MAP4K3: variants seen among roughly 807,000 people sequenced by gnomAD.
MAP4K3 encodes MAPK/ERK kinase kinase kinase 3.
MAP4K3 carries 94 observed loss-of-function variants against 143.5 expected under a neutral mutation model. That is an observed-to-expected ratio of 0.65 (90% CI 0.55 to 0.78). The LOEUF is 0.78. MAP4K3 is among the 30% of genes least tolerant of loss of function. MAP4K3 has a pLI of 0.00. For synonymous variants in MAP4K3, 416 were observed against 347.2 expected (o/e 1.20, Z -2.20); for missense variants, 1,077 against 1,068.1 (o/e 1.01, Z -0.12).
chr2:39,256,426 C>A (rs1395398001), intron 31 of MAP4K3, among the ~76,000 whole-genome samples: 1 of 151,934 alleles, frequency 6.6e-6, no homozygotes, highest in African/African-American at 2.4e-5. Context: ...CCTTTCTATT[C>A]CCAATTTGCT....
chr2:39,292,698 T>A, intron 18 of MAP4K3, 75 bp downstream of exon 18: 1 of 1,185,696 alleles, frequency 8.4e-7, no homozygotes, highest in Non-Finnish European at 1.3e-6. Context: ...TTTCCATCAA[T>A]ATTAAGCTGC....
At chr2:39,267,312 GTTA>G in intron 26 of MAP4K3, 65 bp from the exon 27 acceptor site, 13 of 1,231,580 alleles carry the variant, frequency 1.1e-5, no homozygotes, top group Non-Finnish European at 1.6e-5. Context: ...AAAAGCTACT[GTTA>G]TAGATCAGTG....
intron 15 of MAP4K3, among the ~76,000 whole-genome samples, chr2:39,300,730 G>T (rs1028451909): frequency 6.6e-6 from 1 of 152,214 alleles, no homozygotes; most frequent in African/African-American, 2.4e-5. Context: ...CCACCTTGGA[G>T]CAGCCGCCTT....
chr2:39,285,719 C>T lies in MAP4K3; in HGVS notation c.1587+1133G>A, dbSNP rs542236312. Among the ~76,000 whole-genome samples the T allele has an allele frequency of 3.3e-5, 5 of 152,072 alleles. No homozygotes were observed. The South Asian group carries it at 8.3e-4, about 25-fold the overall frequency. On this transcript the variant is annotated intron_variant, in intron 21 of 33. Transcript: ENST00000263881. ...TACTGAATGTACTAGACAAACATACCGAATATACTAGAAATTTCTATAAAA... is the reference window on the plus strand; with the variant it reads ...TACTGAATGTACTAGACAAACATACTGAATATACTAGAAATTTCTATAAAA...
At chr2:39,375,809 T>C (rs11898704) in intron 2 of MAP4K3, among the ~76,000 whole-genome samples, 10,085 of 152,250 alleles carry the variant, frequency 0.066, 419 homozygotes, top group Middle Eastern at 0.12. Flanking sequence ...AGATTTGCCT[T>C]TTCTGAACCT....
rs1259555876 is a variant in MAP4K3 at position 39,309,584 on chromosome 2, G to C, written c.998-65C>G. The C allele has an allele frequency of 1.0e-5, 8 of 765,646 alleles. No homozygotes were observed. In the East Asian group the frequency reaches 2.1e-4, roughly 21 times the overall value. 47.4% of individuals were successfully genotyped at this position (765,646 alleles called of 1,614,324 possible). On this transcript the variant is annotated intron_variant, in intron 13 of 33. Coordinates refer to ENST00000263881, the MANE Select transcript of MAP4K3 (RefSeq NM_003618.4). ...TTTTTTTTTTTTTTTTTGAGGCAGA[G>C]TCTTGCTCTGTCTCCCACGCTGGAG...
At chr2:39,282,914 C>T (rs527835022) in intron 21 of MAP4K3, among the ~76,000 whole-genome samples, 1 of 152,324 alleles carries the variant, frequency 6.6e-6, no homozygotes, top group South Asian at 2.1e-4. Flanking sequence ...ACACTATCTG[C>T]AGGATCTTTG....
chr2:39,356,180 C>T (rs770637138), intron 3 of MAP4K3, 69 bp downstream of exon 3: 2 of 901,432 alleles, frequency 2.2e-6, no homozygotes, highest in East Asian at 2.6e-5. Context: ...TTAAAACTAA[C>T]TTTATTTTGT....
rs531025223 is a variant in MAP4K3, at chr2:39,303,508, C to A, written c.1120-3707G>T. On this transcript the variant is annotated intron_variant, in intron 15 of 33. Coordinates refer to ENST00000263881, the MANE Select transcript of MAP4K3 (RefSeq NM_003618.4). ...ATGATTATGTTACTATTTATTTATGCCCCTACATAGTCATTAACATAGTGT... is the reference window on the plus strand; with the variant it reads ...ATGATTATGTTACTATTTATTTATGACCCTACATAGTCATTAACATAGTGT... Among the ~76,000 whole-genome samples the A allele has an allele frequency of 2.0e-5, 3 of 151,904 alleles. No homozygotes were observed. The East Asian group carries it at 5.8e-4, about 29-fold the overall frequency.
intron 14 of MAP4K3, among the ~76,000 whole-genome samples, chr2:39,308,506 A>G (rs1272627240): frequency 7.2e-5 from 11 of 152,192 alleles, no homozygotes; most frequent in Admixed American, 7.2e-4. Flanking sequence ...ACTGAAGAAG[A>G]AAGCTCCTAC....
At chr2:39,420,776 T>C (rs536482374) in intron 1 of MAP4K3, among the ~76,000 whole-genome samples, 39 of 152,272 alleles carry the variant, frequency 2.6e-4, no homozygotes, top group Admixed American at 2.3e-3. Context: ...CTTTGAAAAC[T>C]CAAGCAAAAG....
chr2:39,255,322 G>A (rs1680301615), intron 31 of MAP4K3, among the ~76,000 whole-genome samples: 1 of 152,016 alleles, frequency 6.6e-6, no homozygotes, highest in South Asian at 2.1e-4. Context: ...TGAAGCACAG[G>A]GCATAAACAG....
chr2:39,314,670 T>C (rs1683054802), intron 13 of MAP4K3, among the ~76,000 whole-genome samples: 1 of 152,196 alleles, frequency 6.6e-6, no homozygotes. Flanking sequence ...GGATTCTTGT[T>C]GGCAGTTTAT....
chr2:39,325,834 C>A, intron 10 of MAP4K3, 23 bp from the exon 11 acceptor site: 1 of 1,574,324 alleles, frequency 6.4e-7, no homozygotes, highest in Non-Finnish European at 8.7e-7. Flanking sequence ...GAAAATTAGA[C>A]TTTTACATTC....
intron 16 of MAP4K3, among the ~76,000 whole-genome samples, chr2:39,295,331 AAAT>A (rs1052510913): frequency 1.1e-4 from 17 of 151,854 alleles, no homozygotes; most frequent in Non-Finnish European, 8.8e-5. Context: ...TATTTATAAC[AAAT>A]AATATTATTT....
chr2:39,334,000 T>C (rs560942266), intron 6 of MAP4K3, among the ~76,000 whole-genome samples: 72 of 148,034 alleles, frequency 4.9e-4, no homozygotes, highest in African/African-American at 1.8e-3. Context: ...TGTGTGTGTG[T>C]TTTTAAAAGA....
At chr2:39,431,895 C>G (rs184101240) in intron 1 of MAP4K3, among the ~76,000 whole-genome samples, 1 of 152,128 alleles carries the variant, frequency 6.6e-6, no homozygotes, top group Non-Finnish European at 1.5e-5. Flanking sequence ...GGTGGTGAAA[C>G]TAGGCAGCCT....
intron 33 of MAP4K3, 93 bp downstream of exon 33, chr2:39,251,737 G>A: frequency 2.0e-6 from 2 of 1,023,946 alleles, no homozygotes; most frequent in Non-Finnish European, 3.0e-6. Context: ...ACATATTGCA[G>A]ACATTTCAAT....
intron 26 of MAP4K3, among the ~76,000 whole-genome samples, chr2:39,268,564 G>T (rs998731346): frequency 6.7e-6 from 1 of 150,032 alleles, no homozygotes; most frequent in African/African-American, 2.4e-5. Context: ...CAGGTGATCC[G>T]TCCGCCTCGG....
Sources: gnomAD v4.1 joint callset for allele counts (sites outside exome capture counted in the v4.1 genomes callset) on GRCh38, gnomAD v4.1.1 for gene constraint, MANE v1.5 for transcripts, NCBI Gene and HGNC (gene_info 2026-07-23, HGNC 2026-07-21) for gene names.